The following SPMIP11 variants were observed in gnomAD, a reference collection of about 807,000 sequenced individuals.
SPMIP11 encodes the protein long intergenic non-protein coding RNA 935.
chr12:48,757,341 ATATGAATGTAT>A, the SPMIP11 span, among the ~76,000 whole-genome samples: 1 of 152,216 alleles, frequency 6.6e-6, no homozygotes, highest in South Asian at 2.1e-4. Context: ...TTTAAGCAGA[ATATGAATGTAT>A]TAAAAAAAAT....
the SPMIP11 span, among the ~76,000 whole-genome samples, chr12:48,748,419 T>C: frequency 6.6e-6 from 1 of 151,974 alleles, no homozygotes. Context: ...CCCTCATTTC[T>C]TTCTCCACCC....
the SPMIP11 span, among the ~76,000 whole-genome samples, chr12:48,746,746 C>T: frequency 2.6e-5 from 4 of 151,830 alleles, no homozygotes; most frequent in South Asian, 6.3e-4. Context: ...CATGGCGAAA[C>T]CCTGTCTCTA....
At chr12:48,769,001 A>ATAC in the SPMIP11 span, 1 of 1,613,916 alleles carries the variant, frequency 6.2e-7, no homozygotes, top group Non-Finnish European at 8.5e-7. Context: ...GTTCCCCCAG[A>ATAC]TGTCATACTG....
At chr12:48,740,078 GTGA>G in the SPMIP11 span, among the ~76,000 whole-genome samples, 7 of 152,056 alleles carry the variant, frequency 4.6e-5, no homozygotes, top group South Asian at 2.1e-4. Context: ...TAATATCATT[GTGA>G]TGATGATGAT....
At chr12:48,727,658 G>T in the SPMIP11 span, 2 of 651,260 alleles carry the variant, frequency 3.1e-6, no homozygotes, top group Non-Finnish European at 5.6e-6. Flanking sequence ...TGGGGTTAGA[G>T]ATTTATCCTC....
the SPMIP11 span, among the ~76,000 whole-genome samples, chr12:48,738,871 A>G: frequency 6.6e-6 from 1 of 151,980 alleles, no homozygotes; most frequent in African/African-American, 2.4e-5. Context: ...GAGGGGAGGT[A>G]TATCAAAGGA....
At chr12:48,748,095 T>G in the SPMIP11 span, among the ~76,000 whole-genome samples, 1 of 152,148 alleles carries the variant, frequency 6.6e-6, no homozygotes, top group South Asian at 2.1e-4. Flanking sequence ...CCATTCTCAC[T>G]CTGAGCTAAC....
the SPMIP11 span, among the ~76,000 whole-genome samples, chr12:48,731,956 C>T: frequency 6.6e-6 from 1 of 152,002 alleles, no homozygotes; most frequent in Non-Finnish European, 1.5e-5. Context: ...CAAGACCAGC[C>T]TTACCAATAT....
chr12:48,763,813 C>A, the SPMIP11 span, among the ~76,000 whole-genome samples: 1 of 150,308 alleles, frequency 6.7e-6, no homozygotes, highest in East Asian at 2.0e-4. Flanking sequence ...TGAGTAGCTG[C>A]GATTACAGGC....
At chr12:48,747,943 T>C in the SPMIP11 span, among the ~76,000 whole-genome samples, 11 of 152,264 alleles carry the variant, frequency 7.2e-5, no homozygotes, top group African/African-American at 2.2e-4. Context: ...TTAGTCTTCC[T>C]AGAGTGATGA....
chr12:48,768,719 G>A, the SPMIP11 span: 1 of 1,613,650 alleles, frequency 6.2e-7, no homozygotes. Flanking sequence ...GTGGTCACCT[G>A]GGGGAGTGGG....
chr12:48,760,630 G>A, the SPMIP11 span, among the ~76,000 whole-genome samples: 1 of 152,294 alleles, frequency 6.6e-6, no homozygotes, highest in South Asian at 2.1e-4. Context: ...TTGTTCAAGT[G>A]ATTCTTGTGC....
At chr12:48,759,300 C>G in the SPMIP11 span, 1 of 702,942 alleles carries the variant, frequency 1.4e-6, no homozygotes, top group South Asian at 1.5e-5. Flanking sequence ...CAAGATACCA[C>G]GAAGCTGTCC....
chr12:48,747,847 G>A, the SPMIP11 span, among the ~76,000 whole-genome samples: 1 of 152,208 alleles, frequency 6.6e-6, no homozygotes, highest in Non-Finnish European at 1.5e-5. Flanking sequence ...ACTTCTGGGA[G>A]TTCATTATAA....
the SPMIP11 span, among the ~76,000 whole-genome samples, chr12:48,743,073 G>C: frequency 1.3e-5 from 2 of 150,506 alleles, no homozygotes; most frequent in African/African-American, 4.9e-5. Context: ...CATGGTGCCT[G>C]TCTCTACTAG....
the SPMIP11 span, among the ~76,000 whole-genome samples, chr12:48,752,476 C>A: frequency 6.6e-6 from 1 of 152,082 alleles, no homozygotes; most frequent in Non-Finnish European, 1.5e-5. Context: ...CCAGGCTCAC[C>A]ATTCCTCTTT....
the SPMIP11 span, among the ~76,000 whole-genome samples, chr12:48,747,616 C>T: frequency 2.0e-5 from 3 of 152,308 alleles, no homozygotes; most frequent in East Asian, 1.9e-4. Flanking sequence ...TTTCTAATGC[C>T]ACTATCCTTT....
At chr12:48,757,188 C>T in the SPMIP11 span, among the ~76,000 whole-genome samples, 1 of 152,088 alleles carries the variant, frequency 6.6e-6, no homozygotes, top group Non-Finnish European at 1.5e-5. Flanking sequence ...AGACAGAAAT[C>T]TTGAAGCCAC....
chr12:48,752,528 G>C, the SPMIP11 span, among the ~76,000 whole-genome samples: 3 of 152,054 alleles, frequency 2.0e-5, no homozygotes, highest in Non-Finnish European at 2.9e-5. Flanking sequence ...AGCTTCCAGG[G>C]TTCATTTACC....
Sources: gnomAD v4.1 joint callset for allele counts (sites outside exome capture counted in the v4.1 genomes callset) on GRCh38, gnomAD v4.1.1 for gene constraint, MANE v1.5 for transcripts, NCBI Gene and HGNC (gene_info 2026-07-23, HGNC 2026-07-21) for gene names.